Variants in DOCK1 observed in about 807,000 individuals in gnomAD.
DOCK1 encodes dedicator of cytokinesis protein 1.
In DOCK1, 138 loss-of-function variants were observed where a neutral mutation model predicts 262.7. That is an observed-to-expected ratio of 0.53 (90% confidence interval 0.46 to 0.61). The LOEUF is 0.61. Ranked by LOEUF, DOCK1 falls within the 20% of genes least tolerant of loss-of-function variation. The probability of loss-of-function intolerance (pLI) is 0.00; values close to 1 mark genes in which losing one functional copy is unlikely to be tolerated. For missense variants in DOCK1, 1,908 were observed against 2,370.7 expected, an observed-to-expected ratio of 0.80 and a Z score of 4.05; for synonymous variants, 866 against 867.4, an observed-to-expected ratio of 1.00 and a Z score of 0.03.
At chr10:127,385,478 G>A (rs756139861) in intron 38 of DOCK1, among the ~76,000 whole-genome samples, 27 of 151,070 alleles carry the variant, frequency 1.8e-4, no homozygotes, top group Middle Eastern at 7.0e-3. Context: ...ACCTGCCACC[G>A]AAGTGACATT....
rs538362704 is a variant in DOCK1, at chr10:127,036,259, T to G, written c.1913-1460T>G. ...CCAAGTGGTTGCTGCATGCTGGTGG[T>G]TAGGCCCACACTTGGGCGTCTTCCA... On this transcript the variant is annotated intron_variant, in intron 18 of 51. Coordinates refer to ENST00000623213, the MANE Select transcript of DOCK1 (RefSeq NM_001290223.2). Among the ~76,000 whole-genome samples the G allele has an allele frequency of 3.9e-5, 6 of 152,292 alleles. No homozygotes were observed. The South Asian group carries it at 1.2e-3, about 32-fold the overall frequency.
chr10:127,364,519 C>G (rs896204075), intron 33 of DOCK1, among the ~76,000 whole-genome samples: 5 of 152,154 alleles, frequency 3.3e-5, no homozygotes, highest in Admixed American at 3.3e-4. Context: ...GTGCGTGCCA[C>G]CACGCCTGGC....
At chr10:127,067,374 A>G (rs941271518) in intron 23 of DOCK1, among the ~76,000 whole-genome samples, 1 of 152,192 alleles carries the variant, frequency 6.6e-6, no homozygotes, top group Non-Finnish European at 1.5e-5. Flanking sequence ...GGAAAAGACT[A>G]CTGCATGCAG....
chr10:127,240,703 A>G (rs1475551868), intron 27 of DOCK1, among the ~76,000 whole-genome samples: 2 of 151,704 alleles, frequency 1.3e-5, no homozygotes, highest in Non-Finnish European at 2.9e-5. Context: ...TCTTTCTTAT[A>G]CTCCCCGCCC....
intron 22 of DOCK1, among the ~76,000 whole-genome samples, chr10:127,054,490 A>C (rs2044998523): frequency 6.6e-6 from 1 of 152,182 alleles, no homozygotes; most frequent in Admixed American, 6.5e-5. Flanking sequence ...TGTGGATTGA[A>C]GCTTTCCCTC....
intron 48 of DOCK1, among the ~76,000 whole-genome samples, chr10:127,435,594 G>T (rs1243101812): frequency 6.6e-6 from 1 of 152,034 alleles, no homozygotes; most frequent in East Asian, 1.9e-4. Context: ...GAAAATCCCC[G>T]GACTGGTTAT....
intron 27 of DOCK1, among the ~76,000 whole-genome samples, chr10:127,145,026 G>A (rs1419948862): frequency 6.6e-6 from 1 of 152,182 alleles, no homozygotes; most frequent in South Asian, 2.1e-4. Context: ...GTTAGACGAT[G>A]AGCTGAGCTT....
chr10:127,077,142 C>T (rs148340326), intron 23 of DOCK1, among the ~76,000 whole-genome samples: 219 of 152,230 alleles, frequency 1.4e-3, no homozygotes, highest in African/African-American at 5.0e-3. Flanking sequence ...TGCCTGTAAT[C>T]GCAGCACTTT....
At chr10:127,122,884 C>T (rs1046917971) in intron 25 of DOCK1, among the ~76,000 whole-genome samples, 2 of 152,094 alleles carry the variant, frequency 1.3e-5, no homozygotes, top group African/African-American at 4.8e-5. Flanking sequence ...CAGAGTAATT[C>T]TAACAAATGA....
intron 29 of DOCK1, among the ~76,000 whole-genome samples, chr10:127,316,145 T>C (rs1446569545): frequency 2.0e-5 from 3 of 152,206 alleles, no homozygotes; most frequent in African/African-American, 7.2e-5. Context: ...ATAGTTACCT[T>C]TCAGTTTTTA....
chr10:127,041,689 G>C (rs1054555586), intron 19 of DOCK1, among the ~76,000 whole-genome samples: 1 of 152,180 alleles, frequency 6.6e-6, no homozygotes, highest in East Asian at 1.9e-4. Context: ...AGTGTGCAAG[G>C]TCTCCAATTT....
intron 23 of DOCK1, among the ~76,000 whole-genome samples, chr10:127,063,676 G>T (rs1289907687): frequency 1.3e-5 from 2 of 152,172 alleles, no homozygotes; most frequent in Admixed American, 1.3e-4. Context: ...CGTGTGTAGT[G>T]TAAGAATAGA....
chr10:127,034,304 G>A (rs757319812), intron 18 of DOCK1, among the ~76,000 whole-genome samples: 2 of 152,084 alleles, frequency 1.3e-5, no homozygotes, highest in Non-Finnish European at 2.9e-5. Flanking sequence ...GAGAGAGAGA[G>A]AAAGAGAGAG....
At chr10:127,044,225 G>C (rs555063482) in intron 21 of DOCK1, among the ~76,000 whole-genome samples, 9 of 152,204 alleles carry the variant, frequency 5.9e-5, no homozygotes, top group African/African-American at 1.9e-4. Flanking sequence ...GTGCAGTCAT[G>C]AACTCAGGTC....
rs149820054 is a variant in DOCK1, at chr10:127,031,016, A to C, written c.1625-634A>C. On this transcript the variant is annotated intron_variant, in intron 16 of 51. Coordinates refer to ENST00000623213, the MANE Select transcript of DOCK1 (RefSeq NM_001290223.2). Reference sequence around the variant, plus strand: ...AACTTGAATGAAGCGAGTGAGCCCCACATGCAGATACCTGGGGGATGAACT... The same window carrying C: ...AACTTGAATGAAGCGAGTGAGCCCCCCATGCAGATACCTGGGGGATGAACT... Among the ~76,000 whole-genome samples the C allele has an allele frequency of 7.3e-3, 1,109 of 152,360 alleles. 16 individuals are homozygous for C. Among genetic ancestry groups the C allele is most frequent in the African/African-American group, 0.025 (1,042 of 41,586 alleles).
intron 38 of DOCK1, among the ~76,000 whole-genome samples, chr10:127,386,555 A>G (rs4751307): frequency 0.8 from 119,949 of 149,998 alleles, 48,062 homozygotes; most frequent in African/African-American, 0.85. Context: ...TCTAGGTGCC[A>G]TACTCCTCAT....
chr10:127,366,773 C>T (rs557056091), intron 33 of DOCK1, among the ~76,000 whole-genome samples: 3 of 152,160 alleles, frequency 2.0e-5, no homozygotes, highest in Admixed American at 6.5e-5. Context: ...TGGGGATGGT[C>T]GGCTGCTGCC....
At chr10:126,987,431 G>A (rs2039485535) in intron 4 of DOCK1, 90 bp from the exon 5 acceptor site, 3 of 1,015,734 alleles carry the variant, frequency 3.0e-6, no homozygotes, top group African/African-American at 1.6e-5. Flanking sequence ...AATACTGAAC[G>A]CTATGGCCTA....
chr10:126,932,996 G>C (rs1490399687), intron 1 of DOCK1, among the ~76,000 whole-genome samples: 1 of 151,960 alleles, frequency 6.6e-6, no homozygotes, highest in Admixed American at 6.6e-5. Flanking sequence ...ATGTGGAGGA[G>C]TCTGAGGCAT....
Sources: allele counts gnomAD v4.1 joint callset (sites outside exome capture counted in the v4.1 genomes callset), GRCh38; gene constraint gnomAD v4.1.1; transcripts MANE v1.5; gene names NCBI Gene and HGNC (gene_info 2026-07-23, HGNC 2026-07-21).